Variants in IL7 observed in about 807,000 individuals in gnomAD.
IL7 encodes the protein interleukin-7.
Under a neutral mutation model 21.6 loss-of-function variants are expected in IL7, and 3 were observed. That is an observed-to-expected ratio of 0.14 (90% confidence interval 0.06 to 0.36). The LOEUF is 0.36. Ranked by LOEUF, IL7 falls within the 10% of genes least tolerant of loss-of-function variation. IL7 has a pLI of 1.00. For missense variants in IL7, 175 were observed against 200.2 expected (o/e 0.87, Z 0.76); for synonymous variants, 62 against 68.1 (o/e 0.91, Z 0.44).
intron 2 of IL7, among the ~76,000 whole-genome samples, chr8:78,791,120 C>G (rs1409712262): frequency 6.6e-6 from 1 of 152,080 alleles, no homozygotes; most frequent in Non-Finnish European, 1.5e-5. Flanking sequence ...GGGGGAAAGA[C>G]AAGTTCTTTC....
At chr8:78,742,110 G>A (rs866565308) in intron 2 of IL7, among the ~76,000 whole-genome samples, 3 of 149,700 alleles carry the variant, frequency 2.0e-5, no homozygotes, top group African/African-American at 7.4e-5. Context: ...TCAGTAGTTC[G>A]AGACCAGCCT....
At chr8:78,774,717 C>T (rs1305046315) in intron 2 of IL7, among the ~76,000 whole-genome samples, 1 of 151,936 alleles carries the variant, frequency 6.6e-6, no homozygotes, top group African/African-American at 2.4e-5. Flanking sequence ...TGATGGAATC[C>T]ACTGTAGAGA....
chr8:78,766,884 T>C (rs1426454703), intron 2 of IL7, among the ~76,000 whole-genome samples: 4 of 152,096 alleles, frequency 2.6e-5, no homozygotes, highest in African/African-American at 4.8e-5. Flanking sequence ...TTAAAATAAT[T>C]TGTGCTTCTA....
downstream of IL7, among the ~76,000 whole-genome samples, chr8:78,731,240 T>G (rs1811418857): frequency 6.6e-6 from 1 of 152,032 alleles, no homozygotes; most frequent in Non-Finnish European, 1.5e-5. Flanking sequence ...TTCAGCATAT[T>G]CCCTGAAAAC....
downstream of IL7, among the ~76,000 whole-genome samples, chr8:78,715,735 C>G (rs1811081047): frequency 6.6e-6 from 1 of 152,060 alleles, no homozygotes; most frequent in African/African-American, 2.4e-5. Flanking sequence ...CTGCTGCAGT[C>G]TCACGATAAA....
intron 3 of IL7, chr8:78,689,443 G>T (rs1257006742): frequency 1.6e-5 from 23 of 1,400,916 alleles, no homozygotes; most frequent in Non-Finnish European, 2.2e-5. Context: ...TATTGTTTAT[G>T]CTTTTCATGA....
At chr8:78,769,102 C>A (rs1471253945) in intron 2 of IL7, among the ~76,000 whole-genome samples, 2 of 151,954 alleles carry the variant, frequency 1.3e-5, no homozygotes, top group Non-Finnish European at 2.9e-5. Context: ...AAACTGGAAG[C>A]ATTCCCTTTG....
intron 2 of IL7, among the ~76,000 whole-genome samples, chr8:78,752,689 C>T (rs1005008121): frequency 6.6e-6 from 1 of 152,070 alleles, no homozygotes; most frequent in African/African-American, 2.4e-5. Flanking sequence ...TGGTTTGTTG[C>T]ACCCGTCAAC....
chr8:78,712,912 A>G (rs1212204119), downstream of IL7, among the ~76,000 whole-genome samples: 1 of 152,190 alleles, frequency 6.6e-6, no homozygotes, highest in Non-Finnish European at 1.5e-5. Context: ...GAAAAGTAAT[A>G]ATAAATTTAA....
At chr8:78,778,855 G>C (rs1294105094) in intron 2 of IL7, among the ~76,000 whole-genome samples, 1 of 151,944 alleles carries the variant, frequency 6.6e-6, no homozygotes, top group Non-Finnish European at 1.5e-5. Context: ...TTTTCACAAT[G>C]TTGATTCTTC....
intron 2 of IL7, among the ~76,000 whole-genome samples, chr8:78,774,924 A>G (rs189137098): frequency 6.6e-6 from 1 of 152,252 alleles, no homozygotes; most frequent in Admixed American, 6.5e-5. Context: ...AGAAAAATCA[A>G]TTGGTGAAAT....
chr8:78,777,556 T>C (rs1243430550), intron 2 of IL7, among the ~76,000 whole-genome samples: 1 of 152,068 alleles, frequency 6.6e-6, no homozygotes, highest in Non-Finnish European at 1.5e-5. Context: ...CTGCCTTTTA[T>C]TTGCTTGTTC....
intron 4 of IL7, among the ~76,000 whole-genome samples, chr8:78,680,703 C>T (rs1170141341): frequency 6.6e-6 from 1 of 152,094 alleles, no homozygotes; most frequent in Non-Finnish European, 1.5e-5. Context: ...CAGTTGAAAT[C>T]CAGGAGAAAT....
chr8:78,715,544 G>A (rs553220483), downstream of IL7, among the ~76,000 whole-genome samples: 50 of 152,238 alleles, frequency 3.3e-4, 1 homozygote, highest in African/African-American at 1.1e-3. Flanking sequence ...CACTAAGAAC[G>A]TATGTGATTT....
At chr8:78,799,554 C>A (rs1211451371) in intron 1 of IL7, among the ~76,000 whole-genome samples, 1 of 152,000 alleles carries the variant, frequency 6.6e-6, no homozygotes, top group Non-Finnish European at 1.5e-5. Context: ...GCATGATGAG[C>A]ATGAATTAAC....
At chr8:78,762,119 A>C in intron 2 of IL7, 1 of 1,596,450 alleles carries the variant, frequency 6.3e-7, no homozygotes, top group Non-Finnish European at 8.6e-7. Flanking sequence ...CAGTTCTTTT[A>C]TTCGTTTTCT....
Position 78,738,494 on chromosome 8 carries a change from C to G in IL7, c.360+10G>C. On this transcript the variant is annotated intron_variant, in intron 4 of 5. Transcript: ENST00000263851. ...ATATTTTTATTCAAAGTAAATAGTC[C>G]TTAGCTTACCTGGCCAGTGCAGTTC... 9 of 1,609,250 alleles carry G rather than the reference C, an allele frequency of 5.6e-6. No individual in the cohort carries two copies. Among genetic ancestry groups the G allele is most frequent in the Non-Finnish European group, 7.6e-6 (9 of 1,177,896 alleles).
At chr8:78,711,625 T>G (rs993708463) in intron 3 of IL7, among the ~76,000 whole-genome samples, 1 of 152,120 alleles carries the variant, frequency 6.6e-6, no homozygotes, top group Non-Finnish European at 1.5e-5. Flanking sequence ...CCATGAATTC[T>G]GGGAGGAAGA....
intron 2 of IL7, chr8:78,760,315 T>A (rs1420169479): frequency 1.2e-6 from 2 of 1,607,642 alleles, no homozygotes; most frequent in African/African-American, 2.7e-5. Flanking sequence ...AAATATGCTT[T>A]AAGACGCTTT....
Sources: allele counts gnomAD v4.1 joint callset (sites outside exome capture counted in the v4.1 genomes callset), GRCh38; gene constraint gnomAD v4.1.1; transcripts MANE v1.5; gene names NCBI Gene and HGNC (gene_info 2026-07-23, HGNC 2026-07-21).